MACROD1: variants seen among roughly 807,000 people sequenced by gnomAD.
MACROD1 encodes ADP-ribose glycohydrolase MACROD1.
In MACROD1, 31 loss-of-function variants were observed where a neutral mutation model predicts 41.4. That is an observed-to-expected ratio of 0.75 (90% CI 0.56 to 1.01). The LOEUF is 1.01. MACROD1 is among the 50% of genes least tolerant of loss of function. The probability of loss-of-function intolerance (pLI) is 0.00; values close to 1 mark genes in which losing one functional copy is unlikely to be tolerated. For missense variants in MACROD1, 473 were observed against 460.0 expected (o/e 1.03, Z -0.26); for synonymous variants, 252 against 203.4 (o/e 1.24, Z -2.03).
intron 3 of MACROD1, among the ~76,000 whole-genome samples, chr11:64,073,647 G>A (rs1565220249): frequency 1.3e-5 from 2 of 152,216 alleles, no homozygotes; most frequent in Non-Finnish European, 1.5e-5. Flanking sequence ...ATGTACGTCT[G>A]GGCCGGGAGC....
rs947629148 is a variant in MACROD1, at chr11:64,165,888, C to G, written c.107G>C (p.Arg36Thr). The change falls in exon 1 of 11, where the codon AGG (arginine) becomes ACG (threonine). Residue 36 changes from arginine (R) to threonine (T), a missense_variant. Transcript: ENST00000255681. ...GGGACCGCACGTGCTGCTGCGGGTC[C>G]TCGTGGCACCCGCCAAGTGTCCGGG... ...PRPGHLAGAT[R>T]TRSSTCGPPA... The G allele has an allele frequency of 6.5e-6, 9 of 1,391,946 alleles. No individual in the cohort carries two copies. Among genetic ancestry groups the G allele is most frequent in the Admixed American group, 7.0e-5 (2 of 28,738 alleles). 86.2% of individuals were successfully genotyped at this position (1,391,946 alleles called of 1,614,324 possible).
At chr11:64,155,928 G>A (rs1399129432) in intron 1 of MACROD1, among the ~76,000 whole-genome samples, 1 of 152,006 alleles carries the variant, frequency 6.6e-6, no homozygotes, top group Non-Finnish European at 1.5e-5. Context: ...GGCCAACATG[G>A]TGAAACCCCA....
intron 3 of MACROD1, among the ~76,000 whole-genome samples, chr11:64,106,878 T>C (rs573309997): frequency 4.6e-4 from 70 of 151,798 alleles, no homozygotes; most frequent in Non-Finnish European, 9.0e-4. Context: ...TTTCTTTTAT[T>C]TATTTTATTT....
chr11:64,015,728 A>G (rs1283143953), intron 3 of MACROD1, among the ~76,000 whole-genome samples: 1 of 152,166 alleles, frequency 6.6e-6, no homozygotes, highest in Admixed American at 6.5e-5. Context: ...TGAAGCCACT[A>G]GGAAGCAAAC....
chr11:64,024,041 C>T (rs1190012263), intron 3 of MACROD1, among the ~76,000 whole-genome samples: 1 of 152,172 alleles, frequency 6.6e-6, no homozygotes, highest in South Asian at 2.1e-4. Context: ...ATGGAGGTCC[C>T]CCTCAACACC....
intron 3 of MACROD1, among the ~76,000 whole-genome samples, chr11:64,097,134 GGAC>G (rs780016931): frequency 1.3e-5 from 2 of 152,238 alleles, no homozygotes; most frequent in African/African-American, 2.4e-5. Flanking sequence ...TGCACTGTGA[GGAC>G]GGCAGCTTCA....
intron 3 of MACROD1, among the ~76,000 whole-genome samples, chr11:64,043,119 C>T (rs888576135): frequency 2.0e-5 from 3 of 152,226 alleles, no homozygotes; most frequent in African/African-American, 7.2e-5. Flanking sequence ...TCTGTCTCCA[C>T]ACCTGTGAAA....
intron 3 of MACROD1, among the ~76,000 whole-genome samples, chr11:64,034,326 G>A (rs867964974): frequency 1.1e-4 from 17 of 152,386 alleles, no homozygotes; most frequent in Middle Eastern, 6.8e-3. Context: ...AGCTGTTGAC[G>A]CCACAGGGCG....
chr11:64,091,237 C>T (rs1300685073), intron 3 of MACROD1, among the ~76,000 whole-genome samples: 1 of 152,030 alleles, frequency 6.6e-6, no homozygotes, highest in Admixed American at 6.5e-5. Context: ...GGGTCTGCAG[C>T]CCACGGAGTG....
intron 3 of MACROD1, among the ~76,000 whole-genome samples, chr11:64,021,858 A>G (rs1426260585): frequency 6.7e-6 from 1 of 148,728 alleles, no homozygotes; most frequent in East Asian, 2.0e-4. Context: ...GAAAGACAGC[A>G]CGAGAATCAA....
intron 3 of MACROD1, among the ~76,000 whole-genome samples, chr11:64,023,509 G>A (rs1943185695): frequency 1.3e-5 from 2 of 152,142 alleles, no homozygotes; most frequent in South Asian, 4.1e-4. Context: ...GGCGGTTCCT[G>A]GGGGCAGAAG....
intron 4 of MACROD1, 62 bp downstream of exon 4, chr11:64,015,190 G>A: frequency 6.7e-7 from 1 of 1,502,468 alleles, no homozygotes; most frequent in Non-Finnish European, 9.0e-7. Flanking sequence ...GGGCAGGGGA[G>A]GAGCAGACCC....
chr11:64,143,743 G>GACACACACAT (rs1351110350), intron 3 of MACROD1, among the ~76,000 whole-genome samples: 1 of 71,484 alleles, frequency 1.4e-5, no homozygotes, highest in African/African-American at 8.9e-5. Flanking sequence ...CCCCAACCCC[G>GACACACACAT]ACACACACAT....
At chr11:64,055,104 C>T (rs1379180405) in intron 3 of MACROD1, among the ~76,000 whole-genome samples, 1 of 152,306 alleles carries the variant, frequency 6.6e-6, no homozygotes, top group South Asian at 2.1e-4. Flanking sequence ...CCCTCATCAC[C>T]GCCAACCTGT....
intron 3 of MACROD1, among the ~76,000 whole-genome samples, chr11:64,057,003 C>A (rs79749451): frequency 3.3e-5 from 5 of 152,172 alleles, no homozygotes; most frequent in Non-Finnish European, 1.5e-5. Flanking sequence ...TCAGCTTCTG[C>A]GCCCGTGTCA....
intron 3 of MACROD1, among the ~76,000 whole-genome samples, chr11:64,072,698 T>A (rs116635771): frequency 3.5e-4 from 53 of 152,302 alleles, no homozygotes; most frequent in African/African-American, 1.3e-3. Context: ...AGGGCTGTTC[T>A]GGGGATTAGA....
intron 3 of MACROD1, among the ~76,000 whole-genome samples, chr11:64,058,446 A>C (rs1368508275): frequency 6.6e-6 from 1 of 152,132 alleles, no homozygotes; most frequent in Non-Finnish European, 1.5e-5. Flanking sequence ...ACGAGGGGGC[A>C]CCTGTAGCTG....
chr11:64,156,805 C>T (rs1462449603), intron 1 of MACROD1, among the ~76,000 whole-genome samples: 2 of 152,202 alleles, frequency 1.3e-5, no homozygotes, highest in Admixed American at 6.5e-5. Context: ...CATCTGTCAG[C>T]CCGTCCCTTC....
chr11:64,116,251 G>A (rs1565240528), intron 3 of MACROD1: 6 of 1,585,520 alleles, frequency 3.8e-6, no homozygotes, highest in Non-Finnish European at 5.1e-6. Flanking sequence ...GGGGCCGGAC[G>A]CCCCCAGCCA....
Sources: gnomAD v4.1 joint callset for allele counts (sites outside exome capture counted in the v4.1 genomes callset) on GRCh38, gnomAD v4.1.1 for gene constraint, MANE v1.5 for transcripts, NCBI Gene and HGNC (gene_info 2026-07-23, HGNC 2026-07-21) for gene names.